SOX6: variants seen among roughly 807,000 people sequenced by gnomAD.
The protein encoded by SOX6 is transcription factor SOX-6.
In SOX6, 11 loss-of-function variants were observed where a neutral mutation model predicts 97.8. The ratio of observed to expected loss-of-function variants is 0.11; its 90% confidence interval spans 0.07 to 0.19. The LOEUF (loss-of-function observed/expected upper bound fraction) is 0.19. Among genes scored for constraint, SOX6 ranks in the 10% least tolerant of loss-of-function variants. The pLI, the probability that SOX6 is intolerant of heterozygous loss-of-function variation, is 1.00. For missense variants in SOX6, 810 were observed against 1,039.5 expected (o/e 0.78, Z 3.04); for synonymous variants, 360 against 371.4 (o/e 0.97, Z 0.35).
chr11:16,260,532 T>A (rs1018249890), intron 3 of SOX6, among the ~76,000 whole-genome samples: 1 of 152,152 alleles, frequency 6.6e-6, no homozygotes, highest in Non-Finnish European at 1.5e-5. Context: ...GGACAAGCCA[T>A]GCTCTTCAGA....
intron 1 of SOX6, among the ~76,000 whole-genome samples, chr11:16,465,344 GC>G (rs1348271061): frequency 6.6e-6 from 1 of 152,148 alleles, no homozygotes; most frequent in Non-Finnish European, 1.5e-5. Context: ...AAAACTGCCA[GC>G]TGTCCAATGA....
chr11:16,527,988 T>C (rs564911594), intron 4 of SOX6, among the ~76,000 whole-genome samples: 1 of 152,174 alleles, frequency 6.6e-6, no homozygotes, highest in South Asian at 2.1e-4. Flanking sequence ...ATTTCTCAGG[T>C]TGTATTACAA....
intron 2 of SOX6, among the ~76,000 whole-genome samples, chr11:16,328,501 T>A (rs760720887): frequency 6.6e-6 from 1 of 152,192 alleles, no homozygotes; most frequent in Non-Finnish European, 1.5e-5. Flanking sequence ...CTATACCCCA[T>A]CCTTCCTTGG....
intron 3 of SOX6, among the ~76,000 whole-genome samples, chr11:16,288,854 T>A (rs1017845404): frequency 5.3e-5 from 8 of 152,004 alleles, no homozygotes; most frequent in African/African-American, 1.9e-4. Context: ...GTCTCAAACC[T>A]ATTTCTTAGT....
chr11:16,104,127 A>G (rs1289239718), intron 7 of SOX6, among the ~76,000 whole-genome samples: 1 of 152,042 alleles, frequency 6.6e-6, no homozygotes, highest in Non-Finnish European at 1.5e-5. Context: ...TAGTTTACAC[A>G]GCTGAACATA....
In SOX6 at chr11:16,015,103, T is replaced by C. The variant is rs1162235368; in HGVS notation, c.1624-53A>G. Reference sequence around the variant, plus strand: ...TTCTAGTTTCCAAAACAGCCACCATTTCCTTCCAGTTTCTATCTTGCTTAA... The same window carrying C: ...TTCTAGTTTCCAAAACAGCCACCATCTCCTTCCAGTTTCTATCTTGCTTAA... On this transcript the variant is annotated intron_variant, in intron 12 of 15. Transcript: ENST00000683767. The C allele has an allele frequency of 2.0e-6, 3 of 1,484,356 alleles. No homozygotes were observed. The African/African-American group carries it at 4.1e-5, about 20-fold the overall frequency. 91.9% of individuals were successfully genotyped at this position (1,484,356 alleles called of 1,614,324 possible). A position where few individuals can be genotyped will look rare whatever the true frequency, so the allele number is the denominator to read the frequency against.
intron 3 of SOX6, among the ~76,000 whole-genome samples, chr11:16,655,446 A>C (rs902621686): frequency 6.6e-6 from 1 of 152,228 alleles, no homozygotes; most frequent in Non-Finnish European, 1.5e-5. Flanking sequence ...GGTGACATAA[A>C]GGGCAAAAGA....
intron 4 of SOX6, among the ~76,000 whole-genome samples, chr11:16,193,104 AC>A (rs1487521501): frequency 6.6e-6 from 1 of 152,242 alleles, no homozygotes; most frequent in African/African-American, 2.4e-5. Context: ...AAATCTAGAA[AC>A]AACACAGCAA....
intron 3 of SOX6, among the ~76,000 whole-genome samples, chr11:16,275,285 C>CAAAAAAA (rs869208945): frequency 1.6e-5 from 2 of 123,064 alleles, no homozygotes; most frequent in African/African-American, 3.3e-5. Context: ...ACCAAAAATA[C>CAAAAAAA]AAAAAAAAAA....
At chr11:16,192,580 G>C (rs569792474) in intron 4 of SOX6, among the ~76,000 whole-genome samples, 1 of 150,190 alleles carries the variant, frequency 6.7e-6, no homozygotes, top group South Asian at 2.1e-4. Flanking sequence ...GTCACAATCT[G>C]AAGAACTTGA....
chr11:16,367,521 T>C (rs947880246), intron 1 of SOX6, among the ~76,000 whole-genome samples: 1 of 152,162 alleles, frequency 6.6e-6, no homozygotes, highest in African/African-American at 2.4e-5. Context: ...ACTCCCAAAG[T>C]ACAGATAGTA....
At chr11:16,452,933 G>A (rs2133098082) in intron 1 of SOX6, among the ~76,000 whole-genome samples, 1 of 152,226 alleles carries the variant, frequency 6.6e-6, no homozygotes, top group South Asian at 2.1e-4. Flanking sequence ...CATAGATAAC[G>A]AATGAGGGAG....
intron 6 of SOX6, among the ~76,000 whole-genome samples, chr11:16,135,748 G>C (rs1475617115): frequency 6.6e-6 from 1 of 152,168 alleles, no homozygotes; most frequent in African/African-American, 2.4e-5. Context: ...ACCACACAAG[G>C]TTTAGAATAT....
chr11:16,360,337 C>T (rs1315885145), upstream of SOX6, among the ~76,000 whole-genome samples: 1 of 152,182 alleles, frequency 6.6e-6, no homozygotes, highest in Non-Finnish European at 1.5e-5. Context: ...CCCATCTCTA[C>T]ATTTCCAGAC....
intron 1 of SOX6, among the ~76,000 whole-genome samples, chr11:16,458,204 A>G (rs1364780814): frequency 6.6e-6 from 1 of 152,002 alleles, no homozygotes; most frequent in Non-Finnish European, 1.5e-5. Flanking sequence ...TAAAAGGCAT[A>G]AGACACTCAG....
At chr11:16,183,809 C>T in intron 6 of SOX6, 77 bp downstream of exon 6, 1 of 1,342,454 alleles carries the variant, frequency 7.4e-7, no homozygotes, top group South Asian at 1.2e-5. Flanking sequence ...AGGGGTACAT[C>T]TGCAGAGTTT....
At chr11:16,135,212 C>T (rs962577988) in intron 6 of SOX6, among the ~76,000 whole-genome samples, 7 of 152,122 alleles carry the variant, frequency 4.6e-5, no homozygotes, top group African/African-American at 1.2e-4. Context: ...TGCAGATCAC[C>T]CAAGAACTCT....
chr11:15,997,749 T>C (rs2119865795), intron 13 of SOX6, among the ~76,000 whole-genome samples: 1 of 152,318 alleles, frequency 6.6e-6, no homozygotes, highest in Admixed American at 6.5e-5. Flanking sequence ...TACCGAATGC[T>C]TTCTCTAAAA....
chr11:16,674,953 T>C (rs982690943), intron 3 of SOX6, among the ~76,000 whole-genome samples: 3 of 151,686 alleles, frequency 2.0e-5, no homozygotes, highest in African/African-American at 7.3e-5. Context: ...TGAGACTCTG[T>C]CTAAATAAAT....
Sources: allele counts gnomAD v4.1 joint callset (sites outside exome capture counted in the v4.1 genomes callset), GRCh38; gene constraint gnomAD v4.1.1; transcripts MANE v1.5; gene names NCBI Gene and HGNC (gene_info 2026-07-23, HGNC 2026-07-21).